Variants in PIEZO2 observed in about 807,000 individuals in gnomAD.
PIEZO2 encodes piezo type mechanosensitive ion channel component 2.
Under a neutral mutation model 337.3 loss-of-function variants are expected in PIEZO2, and 172 were observed. The observed-to-expected ratio is 0.51, with a 90% confidence interval of 0.45 to 0.58. The LOEUF is 0.58. Ranked by LOEUF, PIEZO2 falls within the 20% of genes least tolerant of loss-of-function variation. The pLI, the probability that PIEZO2 is intolerant of heterozygous loss-of-function variation, is 0.00. For missense variants in PIEZO2, 3,028 were observed against 3,391.3 expected (o/e 0.89, Z 2.66); for synonymous variants, 1,251 against 1,228.5 (o/e 1.02, Z -0.38).
rs1227464328 is a variant in PIEZO2, at chr18:11,128,927, TG to T, written c.64+19597del. On this transcript the variant is annotated intron_variant, in intron 1 of 55. Transcript: ENST00000674853. This position sits in a 1 kb window ranked among gnomAD's most constrained non-coding sequence, Gnocchi z 4.1. Reference sequence around the variant, plus strand: ...AAGAGTTGGATCAGCCTGAATTTATTGATTTGGGTCCACTAAGTAAGGACTC... The same window carrying T: ...AAGAGTTGGATCAGCCTGAATTTATTATTTGGGTCCACTAAGTAAGGACTC... Among the ~76,000 whole-genome samples, 2 of 152,200 alleles carry T rather than the reference TG, an allele frequency of 1.3e-5. No homozygotes were observed. The highest frequency in any genetic ancestry group is 4.8e-5 in the African/African-American group (2 of 41,450).
At position 10,716,509 on chromosome 18, in the gene PIEZO2, C is replaced by T. The variant is rs1350097859; in HGVS notation, c.5090-693G>A. ...ACACCTAACAGTCTTCCATGAGGTACATTTAAGAAGCAAGGAAAAGAGCGG... is the reference window on the plus strand; with the variant it reads ...ACACCTAACAGTCTTCCATGAGGTATATTTAAGAAGCAAGGAAAAGAGCGG... On this transcript the variant is annotated intron_variant, in intron 37 of 55. Transcript: ENST00000674853. The surrounding 1 kb of genome is among the most constrained non-coding windows in gnomAD (Gnocchi z 4.1). 6.6e-6 allele frequency among the ~76,000 whole-genome samples: 1 copy of T among 152,152 alleles called. No homozygotes were observed. Among genetic ancestry groups the T allele is most frequent in the Admixed American group, 6.5e-5 (1 of 15,276 alleles).
rs758147862 is a variant in PIEZO2 at position 10,696,377 on chromosome 18, T to C, written c.6975+15A>G. 15 of 1,614,022 alleles carry C rather than the reference T, an allele frequency of 9.3e-6. No individual in the cohort carries two copies. The Admixed American group carries it at 1.5e-4, about 16-fold the overall frequency. ...ATGGGTCAGGGCGGGTGCTGTGGCCTTTGCCCCAACCTACCCCAAAGGCCC... is the reference window on the plus strand; with the variant it reads ...ATGGGTCAGGGCGGGTGCTGTGGCCCTTGCCCCAACCTACCCCAAAGGCCC... On this transcript the variant is annotated intron_variant, in intron 46 of 55. Transcript: ENST00000674853.
At chr18:10,736,563 G>C in intron 34 of PIEZO2, 41 bp downstream of exon 34, 1 of 1,535,666 alleles carries the variant, frequency 6.5e-7, no homozygotes, top group South Asian at 1.2e-5. Context: ...AATAAGAAAA[G>C]CTCTTCCAAC....
intron 1 of PIEZO2, among the ~76,000 whole-genome samples, chr18:11,138,817 A>C (rs1359283319): frequency 6.6e-6 from 1 of 152,208 alleles, no homozygotes; most frequent in Non-Finnish European, 1.5e-5. Context: ...GAATTAAAGG[A>C]GAAAAGATGT....
intron 1 of PIEZO2, among the ~76,000 whole-genome samples, chr18:11,142,777 G>A (rs1329081656): frequency 1.9e-4 from 4 of 20,662 alleles, no homozygotes; most frequent in South Asian, 3.5e-3. Flanking sequence ...TGAGATTATC[G>A]CAAAAAAAAA....
In PIEZO2 at chr18:10,877,416, A is replaced by G. The variant is rs1000497056; in HGVS notation, c.330-6001T>C. ...CAGTCCAACTCGTCCGCTGAGAAAC[A>G]TTAGCATATATCCATTTTCCTACTG... On this transcript the variant is annotated intron_variant, in intron 4 of 55. Transcript: ENST00000674853. The surrounding 1 kb of genome is among the most constrained non-coding windows in gnomAD (Gnocchi z 5.3). 6.6e-6 allele frequency among the ~76,000 whole-genome samples: 1 copy of G among 152,248 alleles called. No individual in the cohort carries two copies. Among genetic ancestry groups the G allele is most frequent in the African/African-American group, 2.4e-5 (1 of 41,464 alleles).
rs568087946 is a variant in PIEZO2 at position 11,132,536 on chromosome 18, T to C, written c.64+15989A>G. ...TTCTCTCATAGCCAGGATTCATATG[T>C]CCGGGAATCAGAAGGTAGAAGTAGA... is the stretch of plus-strand genomic sequence containing the variant. On this transcript the variant is annotated intron_variant, in intron 1 of 55. Coordinates refer to ENST00000674853, the MANE Select transcript of PIEZO2 (RefSeq NM_001378183.1). The surrounding 1 kb of genome is among the most constrained non-coding windows in gnomAD (Gnocchi z 4.7). 2.0e-5 allele frequency among the ~76,000 whole-genome samples: 3 copies of C among 152,266 alleles called. No homozygotes were observed. Among genetic ancestry groups the C allele is most frequent in the Admixed American group, 6.5e-5 (1 of 15,290 alleles).
Position 10,979,495 on chromosome 18 carries a change from AAT to A in PIEZO2, c.286+38_286+39del. The A allele has an allele frequency of 7.0e-7, 1 of 1,431,424 alleles. No homozygotes were observed. The highest frequency in any genetic ancestry group is 9.2e-7 in the Non-Finnish European group (1 of 1,084,710). 88.7% of individuals were successfully genotyped at this position (1,431,424 alleles called of 1,614,324 possible). A position where few individuals can be genotyped will look rare whatever the true frequency, so the allele number is the denominator to read the frequency against. On this transcript the variant is annotated intron_variant, in intron 3 of 55. Transcript: ENST00000674853. This position sits in a 1 kb window ranked among gnomAD's most constrained non-coding sequence, Gnocchi z 4.0. ...CTTTATTATGCACGTATATAAAAGAAATAAAAGAAAACAATAAAAGAAAACAC... is the reference window on the plus strand; with the variant it reads ...CTTTATTATGCACGTATATAAAAGAAAAAAGAAAACAATAAAAGAAAACAC...
chr18:11,046,602 G>A (rs564119650), intron 2 of PIEZO2, among the ~76,000 whole-genome samples: 60 of 152,340 alleles, frequency 3.9e-4, no homozygotes, highest in African/African-American at 1.3e-3. Flanking sequence ...CCGTGGCTCC[G>A]CTGGGTGCTC....
Position 10,726,784 on chromosome 18 carries a change from G to T in PIEZO2, c.5029+4623C>A. On this transcript the variant is annotated intron_variant, in intron 36 of 55. Coordinates refer to ENST00000674853, the MANE Select transcript of PIEZO2 (RefSeq NM_001378183.1). The surrounding 1 kb of genome is among the most constrained non-coding windows in gnomAD (Gnocchi z 5.9). ...GACCTCACTGGGCAAGGTGTCCTAT[G>T]AGGATGTGGACCACCTGCGGCCCCA... 6.5e-7 allele frequency: 1 copy of T among 1,547,054 alleles called. No individual in the cohort carries two copies. Among genetic ancestry groups the T allele is most frequent in the Admixed American group, 1.7e-5 (1 of 57,474 alleles).
chr18:10,686,249 G>A (rs1340599864), intron 49 of PIEZO2, among the ~76,000 whole-genome samples: 6 of 152,174 alleles, frequency 3.9e-5, no homozygotes, highest in Non-Finnish European at 7.4e-5. Flanking sequence ...GCAATCTAGC[G>A]AATATAAGAT....
In PIEZO2 at chr18:10,789,064, C is replaced by A; in HGVS notation, c.2169+15G>T. 6.6e-7 allele frequency: 1 copy of A among 1,526,124 alleles called. No individual in the cohort carries two copies. The highest frequency in any genetic ancestry group is 1.2e-5 in the South Asian group (1 of 82,638). 94.5% of individuals were successfully genotyped at this position (1,526,124 alleles called of 1,614,324 possible). On this transcript the variant is annotated intron_variant, in intron 15 of 55. Transcript: ENST00000674853. The stretch of plus-strand genomic sequence containing the variant: ...GGAGAGATGTGAGAATTAAAATGGT[C>A]AACTGTGTACCTACCTGGTATAGGG...
intron 27 of PIEZO2, among the ~76,000 whole-genome samples, chr18:10,756,100 G>A (rs978482784): frequency 2.7e-5 from 4 of 150,266 alleles, no homozygotes; most frequent in Non-Finnish European, 3.0e-5. Context: ...GAAGAGGAGA[G>A]ATAGGGGATG....
At position 10,704,449 on chromosome 18, in the gene PIEZO2, A is replaced by G; in HGVS notation, c.6203T>C (p.Leu2068Ser). The change falls in exon 42 of 56, where the codon TTG (leucine) becomes TCG (serine). Residue 2068 changes from leucine to serine, a missense_variant. Leu to Ser is a moderately radical substitution (Grantham distance 145). Transcript: ENST00000674853. ...LPILIFLWAM[L>S]SVPRPSRRFW... ...CCGGCGGCTGGGCCTGGGGACGGACAACATGGCCCAGAGGAAGATGAGGAT... is the reference window on the plus strand; with the variant it reads ...CCGGCGGCTGGGCCTGGGGACGGACGACATGGCCCAGAGGAAGATGAGGAT... 1 of 1,537,252 alleles carries G rather than the reference A, an allele frequency of 6.5e-7. No homozygotes were observed. Among genetic ancestry groups the G allele is most frequent in the South Asian group, 1.2e-5 (1 of 84,058 alleles).
rs1278968795 is a variant in PIEZO2, at chr18:10,752,868, T to C, written c.3935A>G (p.Asp1312Gly). ...GCTGAAGATGATCACTTTGGACATG[T>C]CTAAGTAAGATCTGGAAAACAAAGC... ...PDFIHCRSYL[D>G]MSKVIIFSYL... Residue 1312 changes from aspartate to glycine, a missense_variant, in exon 28 of 56, where the codon GAC (aspartate) becomes GGC (glycine). Asp to Gly is a moderately conservative substitution (Grantham distance 94). This residue lies in a region of PIEZO2 where 1,925 missense variants were observed against 2,051.9 expected (regional missense o/e 0.94). Transcript: ENST00000674853. 1 of 1,530,480 alleles carries C rather than the reference T, an allele frequency of 6.5e-7. No homozygotes were observed. The highest frequency in any genetic ancestry group is 1.2e-5 in the South Asian group (1 of 83,382). 94.8% of individuals were successfully genotyped at this position (1,530,480 alleles called of 1,614,324 possible). A position where few individuals can be genotyped will look rare whatever the true frequency, so the allele number is the denominator to read the frequency against.
At position 11,108,412 on chromosome 18, in the gene PIEZO2, G is replaced by A. The variant is rs1175271969; in HGVS notation, c.64+40113C>T. Among the ~76,000 whole-genome samples, 5 of 151,938 alleles carry A rather than the reference G, an allele frequency of 3.3e-5. No homozygotes were observed. In the East Asian group the frequency reaches 7.8e-4, roughly 24 times the overall value. On this transcript the variant is annotated intron_variant, in intron 1 of 55. Coordinates refer to ENST00000674853, the MANE Select transcript of PIEZO2 (RefSeq NM_001378183.1). ...GGGCAGATCACGAGGTCAGGAGATC[G>A]AGACCATCCTGGCTAACACGGTGAA...
chr18:10,924,493 T>C (rs2031608197), intron 3 of PIEZO2, among the ~76,000 whole-genome samples: 1 of 152,170 alleles, frequency 6.6e-6, no homozygotes, highest in African/African-American at 2.4e-5. Flanking sequence ...AAATGCAATG[T>C]CGGGGATTCT....
chr18:10,696,951 G>A (rs1287623624), intron 45 of PIEZO2, among the ~76,000 whole-genome samples: 1 of 152,148 alleles, frequency 6.6e-6, no homozygotes, highest in Non-Finnish European at 1.5e-5. Flanking sequence ...CTGATGCCTA[G>A]GGCCAAGGTG....
At chr18:10,905,705 G>A (rs1045553328) in intron 4 of PIEZO2, among the ~76,000 whole-genome samples, 5 of 151,900 alleles carry the variant, frequency 3.3e-5, no homozygotes, top group Non-Finnish European at 7.4e-5. Flanking sequence ...AGTGACAAAT[G>A]ACACTTCCAG....
Sources: allele counts gnomAD v4.1 joint callset (sites outside exome capture counted in the v4.1 genomes callset), GRCh38; gene constraint gnomAD v4.1.1; regional missense constraint gnomAD v4.1.1; non-coding constraint Gnocchi (gnomAD v3.1); transcripts MANE v1.5; gene names NCBI Gene and HGNC (gene_info 2026-07-23, HGNC 2026-07-21).